The following DMRT1 variants were observed in gnomAD, a reference collection of about 807,000 sequenced individuals.
The protein encoded by DMRT1 is doublesex- and mab-3-related transcription factor 1.
Under a neutral mutation model 32.3 loss-of-function variants are expected in DMRT1, and 7 were observed. The ratio of observed to expected loss-of-function variants is 0.22; its 90% CI spans 0.12 to 0.41. DMRT1 has a LOEUF of 0.41. Ranked by LOEUF, DMRT1 falls within the 10% of genes least tolerant of loss-of-function variation. The probability of loss-of-function intolerance (pLI) is 1.00; values close to 1 mark genes in which losing one functional copy is unlikely to be tolerated. For missense variants in DMRT1, 625 were observed against 500.5 expected, an observed-to-expected ratio of 1.25 and a Z score of -2.37; for synonymous variants, 278 against 206.1, an observed-to-expected ratio of 1.35 and a Z score of -2.99.
intron 4 of DMRT1, among the ~76,000 whole-genome samples, chr9:935,286 T>C (rs1818848593): frequency 6.6e-6 from 1 of 152,208 alleles, no homozygotes; most frequent in African/African-American, 2.4e-5. Context: ...AAACGGACTA[T>C]CAGAGCTAAC....
chr9:863,701 A>T (rs1815830884), intron 2 of DMRT1, among the ~76,000 whole-genome samples: 1 of 152,216 alleles, frequency 6.6e-6, no homozygotes, highest in African/African-American at 2.4e-5. Context: ...TAAGATAGTC[A>T]ATTTGTGTCA....
chr9:890,741 G>T (rs1351878986), intron 2 of DMRT1, among the ~76,000 whole-genome samples: 1 of 152,088 alleles, frequency 6.6e-6, no homozygotes, highest in Non-Finnish European at 1.5e-5. Flanking sequence ...TTGAGACAGA[G>T]TCTCATTCTG....
At chr9:902,121 G>C (rs898341198) in intron 3 of DMRT1, among the ~76,000 whole-genome samples, 7 of 151,410 alleles carry the variant, frequency 4.6e-5, no homozygotes, top group African/African-American at 1.7e-4. Context: ...TGTTGGCCAG[G>C]CTGGTCTCAA....
rs185006092 is a variant in DMRT1, at chr9:945,120, T to C, written c.968-22865T>C. ...AATAAAGTGCTTCATCTTAACAGTA[T>C]AGCTAGCTAGACTCTAATGTTTTTG... On this transcript the variant is annotated intron_variant, in intron 4 of 4. Transcript: ENST00000382276. Among the ~76,000 whole-genome samples, 2 of 152,326 alleles carry C rather than the reference T, an allele frequency of 1.3e-5. 1 individual carries two copies. The highest frequency in any genetic ancestry group is 1.3e-4 in the Admixed American group (2 of 15,300).
At position 968,262 on chromosome 9, in the gene DMRT1, A is replaced by AT; in HGVS notation, c.*125dup. On this transcript the variant is annotated 3_prime_UTR_variant, in exon 5 of 5. Transcript: ENST00000382276. Reference sequence around the variant, plus strand: ...ACTGTTGAGAACGTATTTGGTTTATATTCCTTAGAGTTTAGTCCAGAGGCT... The same window carrying AT: ...ACTGTTGAGAACGTATTTGGTTTATATTTCCTTAGAGTTTAGTCCAGAGGCT... 8.0e-7 allele frequency: 1 copy of AT among 1,250,538 alleles called. No individual in the cohort carries two copies. Among genetic ancestry groups the AT allele is most frequent in the South Asian group, 1.3e-5 (1 of 76,242 alleles). The allele number at this position is 1,250,538 out of a possible 1,614,324, so 77.5% of individuals were successfully genotyped here. A position where few individuals can be genotyped will look rare whatever the true frequency, so the allele number is the denominator to read the frequency against.
chr9:869,107 G>C (rs1182455673), intron 2 of DMRT1, among the ~76,000 whole-genome samples: 1 of 152,186 alleles, frequency 6.6e-6, no homozygotes, highest in Non-Finnish European at 1.5e-5. Context: ...ATATAGTTTA[G>C]GGATGGTTGA....
At chr9:940,323 CAGA>C (rs1338672354) in intron 4 of DMRT1, among the ~76,000 whole-genome samples, 1 of 152,136 alleles carries the variant, frequency 6.6e-6, no homozygotes, top group African/African-American at 2.4e-5. Context: ...TGCCCATCAA[CAGA>C]AGAACAGATA....
intron 1 of DMRT1, among the ~76,000 whole-genome samples, chr9:845,388 A>G (rs1838863652): frequency 6.6e-6 from 1 of 151,274 alleles, no homozygotes. Flanking sequence ...TTGTATTTTT[A>G]GTAGAGATGG....
At chr9:860,491 A>G (rs554255303) in intron 2 of DMRT1, among the ~76,000 whole-genome samples, 229 of 152,200 alleles carry the variant, frequency 1.5e-3, no homozygotes, top group African/African-American at 5.2e-3. Context: ...TTACTTCTTT[A>G]TTCGTTCAAC....
intron 4 of DMRT1, among the ~76,000 whole-genome samples, chr9:921,280 GT>G (rs1554756882): frequency 2.6e-5 from 4 of 152,126 alleles, no homozygotes; most frequent in Non-Finnish European, 5.9e-5. Flanking sequence ...TAGCTTAAAT[GT>G]TTTCATGATT....
intron 3 of DMRT1, among the ~76,000 whole-genome samples, chr9:910,819 C>T (rs1817946731): frequency 6.6e-6 from 1 of 151,970 alleles, no homozygotes; most frequent in Non-Finnish European, 1.5e-5. Flanking sequence ...TTGCCAGTGA[C>T]CACTGCTAAT....
At chr9:858,671 C>T (rs964506431) in intron 2 of DMRT1, among the ~76,000 whole-genome samples, 2 of 151,800 alleles carry the variant, frequency 1.3e-5, no homozygotes, top group South Asian at 4.2e-4. Flanking sequence ...GTCAGGAGTT[C>T]GAGACCAGCC....
intron 4 of DMRT1, among the ~76,000 whole-genome samples, chr9:946,417 C>G (rs1364460272): frequency 2.0e-5 from 3 of 152,024 alleles, no homozygotes; most frequent in African/African-American, 7.3e-5. Flanking sequence ...GGGAGGTGCC[C>G]CATCCAGCAT....
intron 3 of DMRT1, among the ~76,000 whole-genome samples, chr9:901,802 A>C (rs1586591497): frequency 6.8e-6 from 1 of 147,992 alleles, no homozygotes; most frequent in African/African-American, 2.5e-5. Context: ...GGGCCCTCTC[A>C]CCCTTGGCCG....
intron 4 of DMRT1, among the ~76,000 whole-genome samples, chr9:960,100 C>G (rs1167232671): frequency 6.6e-6 from 1 of 152,136 alleles, no homozygotes; most frequent in African/African-American, 2.4e-5. Flanking sequence ...GCTCTTTGCC[C>G]TAGCCTGATT....
intron 2 of DMRT1, among the ~76,000 whole-genome samples, chr9:884,574 TGTGTATTTCTTGA>T (rs1204186677): frequency 6.6e-6 from 1 of 152,238 alleles, no homozygotes; most frequent in African/African-American, 2.4e-5. Flanking sequence ...TTTTTCCAGA[TGTGTATTTCTTGA>T]GTTCCTGATG....
intron 3 of DMRT1, among the ~76,000 whole-genome samples, chr9:896,176 G>T (rs1056405697): frequency 6.7e-6 from 1 of 149,632 alleles, no homozygotes; most frequent in Admixed American, 6.7e-5. Flanking sequence ...TTCCCTTGTT[G>T]TATATAAATG....
chr9:927,902 G>C (rs962707079), intron 4 of DMRT1, among the ~76,000 whole-genome samples: 1 of 152,158 alleles, frequency 6.6e-6, no homozygotes, highest in Non-Finnish European at 1.5e-5. Flanking sequence ...GAGTATTGTG[G>C]TACATTGGAA....
chr9:894,021 G>A lies in DMRT1; in HGVS notation c.648G>A (p.Pro216=), dbSNP rs79140159. The change falls in exon 3 of 5, where the codon CCG becomes CCA. Residue 216 remains proline (P), a synonymous_variant. Transcript: ENST00000382276. ...CCTACTACAGCAGCTTCTACCAGCC[G>A]TCTCTGTTTCCTTATTACAACAATC... ...DSTYYSSFYQ[P]SLFPYYNNLY... is the part of the protein sequence containing the mutation. The A allele has an allele frequency of 2.6e-5, 42 of 1,614,210 alleles. No homozygotes were observed. The highest frequency in any genetic ancestry group is 9.3e-5 in the African/African-American group (7 of 75,050).
Sources: gnomAD v4.1 joint callset for allele counts (sites outside exome capture counted in the v4.1 genomes callset) on GRCh38, gnomAD v4.1.1 for gene constraint, MANE v1.5 for transcripts, NCBI Gene and HGNC (gene_info 2026-07-23, HGNC 2026-07-21) for gene names.